SHB: variants seen among roughly 807,000 people sequenced by gnomAD.
SHB encodes the protein SH2 domain-containing adapter protein B.
A neutral mutation model predicts 52.3 loss-of-function variants in SHB; 20 were observed. That is an observed-to-expected ratio of 0.38 (90% CI 0.27 to 0.56). The LOEUF is 0.56. SHB is among the 20% of genes least tolerant of loss of function. The probability of loss-of-function intolerance (pLI) is 0.71; values close to 1 mark genes in which losing one functional copy is unlikely to be tolerated. For missense variants in SHB, 825 were observed against 723.3 expected (o/e 1.14, Z -1.61); for synonymous variants, 397 against 316.5 (o/e 1.25, Z -2.70).
At chr9:37,980,320 A>G (rs891009923) in intron 2 of SHB, among the ~76,000 whole-genome samples, 5 of 152,214 alleles carry the variant, frequency 3.3e-5, no homozygotes, top group Admixed American at 6.5e-5. Context: ...TCATTTTAAC[A>G]ATGTTCCCAG....
At chr9:37,979,393 G>T (rs1820694207) in intron 2 of SHB, among the ~76,000 whole-genome samples, 1 of 152,078 alleles carries the variant, frequency 6.6e-6, no homozygotes, top group Non-Finnish European at 1.5e-5. Flanking sequence ...AACTGAAAGG[G>T]ACCCTAAGAA....
chr9:38,056,616 G>A (rs984208767), intron 1 of SHB, among the ~76,000 whole-genome samples: 1 of 152,220 alleles, frequency 6.6e-6, no homozygotes, highest in Non-Finnish European at 1.5e-5. Context: ...ATAGGCGTGA[G>A]CCACCGCGCC....
chr9:38,067,403 T>TGGGGCAGGGC (rs1821983895), intron 1 of SHB, among the ~76,000 whole-genome samples: 2 of 150,206 alleles, frequency 1.3e-5, no homozygotes, highest in Admixed American at 6.6e-5. Context: ...GAGCTGGGGG[T>TGGGGCAGGGC]GGGGCAGGGC....
At chr9:37,938,536 A>C (rs1362014141) in intron 5 of SHB, among the ~76,000 whole-genome samples, 2 of 152,238 alleles carry the variant, frequency 1.3e-5, no homozygotes, top group Non-Finnish European at 2.9e-5. Context: ...ATGCCTCAGA[A>C]GGCAACTGTC....
intron 2 of SHB, among the ~76,000 whole-genome samples, chr9:38,006,263 C>T (rs903684618): frequency 3.9e-5 from 6 of 152,210 alleles, no homozygotes; most frequent in Non-Finnish European, 5.9e-5. Flanking sequence ...ACCATAGAAC[C>T]TGTCTCCCTG....
At position 38,068,569 on chromosome 9, in the gene SHB, T is replaced by C. The variant is rs1407193390; in HGVS notation, c.77A>G (p.Asp26Gly). 1.1e-5 allele frequency: 17 copies of C among 1,481,890 alleles called. No individual in the cohort carries two copies. The highest frequency in any genetic ancestry group is 1.4e-5 in the Non-Finnish European group (16 of 1,127,266). 91.8% of individuals were successfully genotyped at this position (1,481,890 alleles called of 1,614,324 possible). Residue 26 changes from aspartate (D) to glycine (G), a missense_variant, in exon 1 of 6, where the codon GAC becomes GGC. Physicochemically the swap from Asp to Gly is moderately conservative, Grantham distance 94. Coordinates refer to ENST00000377707, the MANE Select transcript of SHB (RefSeq NM_003028.3). ...TKSPPQPPRP[D>G]YREQRRRGER... ...GCCTCGGCGCCGCTGCTCGCGGTAG[T>C]CTGGCCGCGGCGGCTGCGGGGGGCT...
At chr9:37,994,939 C>G (rs1820929757) in intron 2 of SHB, among the ~76,000 whole-genome samples, 1 of 152,194 alleles carries the variant, frequency 6.6e-6, no homozygotes. Context: ...AAGGCATGAT[C>G]TGATTCCAGG....
chr9:37,926,562 G>A (rs1318514708), intron 5 of SHB, among the ~76,000 whole-genome samples: 1 of 152,236 alleles, frequency 6.6e-6, no homozygotes, highest in Non-Finnish European at 1.5e-5. Context: ...GAGGCGAGAA[G>A]TGAGACTGAA....
intron 5 of SHB, among the ~76,000 whole-genome samples, chr9:37,927,286 C>A (rs1430155091): frequency 1.3e-5 from 2 of 152,228 alleles, no homozygotes; most frequent in Non-Finnish European, 2.9e-5. Context: ...CTGCATCCTG[C>A]CCACAGCTTC....
chr9:37,937,766 T>C (rs1832390448), intron 5 of SHB, among the ~76,000 whole-genome samples: 1 of 152,174 alleles, frequency 6.6e-6, no homozygotes, highest in Non-Finnish European at 1.5e-5. Context: ...GTGGAGAAAA[T>C]GAGAGAAGAA....
At chr9:38,027,038 GC>G (rs924750269) in intron 1 of SHB, among the ~76,000 whole-genome samples, 12 of 152,336 alleles carry the variant, frequency 7.9e-5, no homozygotes, top group African/African-American at 2.9e-4. Context: ...TGGGTGAAGG[GC>G]CCTTCCCACC....
At chr9:37,943,034 A>C (rs1269219388) in intron 5 of SHB, among the ~76,000 whole-genome samples, 1 of 152,168 alleles carries the variant, frequency 6.6e-6, no homozygotes, top group African/African-American at 2.4e-5. Context: ...TCAAACCTTG[A>C]GAACTCCCTG....
chr9:37,928,665 G>C (rs115413274), intron 5 of SHB, among the ~76,000 whole-genome samples: 100 of 152,366 alleles, frequency 6.6e-4, no homozygotes, highest in African/African-American at 2.1e-3. Flanking sequence ...CACAACATGG[G>C]AATAACCAGA....
At chr9:37,996,266 T>C (rs769109789) in intron 2 of SHB, among the ~76,000 whole-genome samples, 2 of 152,192 alleles carry the variant, frequency 1.3e-5, no homozygotes, top group Non-Finnish European at 2.9e-5. Context: ...ACCCCTCCCC[T>C]TCCCTCACAC....
chr9:37,979,101 T>G (rs926033824), intron 2 of SHB, among the ~76,000 whole-genome samples: 3 of 152,214 alleles, frequency 2.0e-5, no homozygotes, highest in African/African-American at 7.2e-5. Flanking sequence ...CCTTATTAGC[T>G]GGGCCAATCC....
intron 2 of SHB, among the ~76,000 whole-genome samples, chr9:38,007,444 G>A (rs1395054703): frequency 1.3e-5 from 2 of 152,252 alleles, no homozygotes; most frequent in African/African-American, 4.8e-5. Flanking sequence ...TCCGCCGGCT[G>A]CGGAGACAGA....
intron 2 of SHB, among the ~76,000 whole-genome samples, chr9:38,000,145 T>C (rs886409233): frequency 6.6e-6 from 1 of 151,934 alleles, no homozygotes; most frequent in Non-Finnish European, 1.5e-5. Flanking sequence ...CCACAGGCAG[T>C]GGAGAGAGAA....
intron 2 of SHB, among the ~76,000 whole-genome samples, chr9:38,010,310 T>C (rs183715301): frequency 6.6e-6 from 1 of 152,200 alleles, no homozygotes; most frequent in Non-Finnish European, 1.5e-5. Flanking sequence ...CTGTCATCCA[T>C]GCCACCATAA....
chr9:38,061,181 G>A (rs551592223), intron 1 of SHB, among the ~76,000 whole-genome samples: 12 of 152,046 alleles, frequency 7.9e-5, no homozygotes, highest in East Asian at 3.9e-4. Flanking sequence ...GTGTGCTGGC[G>A]TGTGACTATA....
Sources: gnomAD v4.1 joint callset for allele counts (sites outside exome capture counted in the v4.1 genomes callset) on GRCh38, gnomAD v4.1.1 for gene constraint, MANE v1.5 for transcripts, NCBI Gene and HGNC (gene_info 2026-07-23, HGNC 2026-07-21) for gene names.